The following SMG5 variants were observed in gnomAD, a reference collection of about 807,000 sequenced individuals.
The protein encoded by SMG5 is SMG5 nonsense mediated mRNA decay factor, also known as nonsense-mediated mRNA decay factor SMG5.
SMG5 carries 53 observed loss-of-function variants against 122.9 expected under a neutral mutation model. That is an observed-to-expected ratio of 0.43 (90% CI 0.35 to 0.54). The LOEUF (loss-of-function observed/expected upper bound fraction) is 0.54, where lower values mean the gene tolerates loss of function less well. SMG5 is among the 20% of genes least tolerant of loss of function. SMG5 has a pLI of 0.01. For synonymous variants in SMG5, 477 were observed against 490.2 expected, an observed-to-expected ratio of 0.97 and a Z score of 0.35; for missense variants, 1,153 against 1,285.6, an observed-to-expected ratio of 0.90 and a Z score of 1.58.
At chr1:156,278,801 A>T in intron 2 of SMG5, 135 bp downstream of exon 2, 1 of 704,174 alleles carries the variant, frequency 1.4e-6, no homozygotes. Context: ...TAGGAAGGCC[A>T]GAGATTTCAG....
upstream of SMG5, chr1:156,286,117 C>T: frequency 7.2e-7 from 1 of 1,395,920 alleles, no homozygotes; most frequent in Non-Finnish European, 9.8e-7. Flanking sequence ...TGCCAGTCTG[C>T]ATGCCCATCT....
At chr1:156,286,064 T>C, upstream of SMG5, 1 of 1,533,328 alleles carries the variant, frequency 6.5e-7, no homozygotes, top group South Asian at 1.3e-5. Flanking sequence ...AGCAGGAGGA[T>C]TTCCCTTCAC....
At chr1:156,266,892 C>T (rs1662178321) in intron 10 of SMG5, among the ~76,000 whole-genome samples, 1 of 151,980 alleles carries the variant, frequency 6.6e-6, no homozygotes, top group Non-Finnish European at 1.5e-5. Context: ...CTGCCCGCCT[C>T]GGCCTCCCAA....
rs1287930339 is a variant in SMG5, at chr1:156,268,196, G to A, written c.840-13C>T. On this transcript the variant is annotated splice_polypyrimidine_tract_variant and intron_variant, in intron 8 of 21. Coordinates refer to ENST00000361813, the MANE Select transcript of SMG5 (RefSeq NM_015327.3). The stretch of plus-strand genomic sequence containing the variant: ...AATGTCTTTACATCTGAAATGAGAA[G>A]AGCCCAAAGTAAATGCTGAATGGTC... 1 of 1,614,122 alleles carries A rather than the reference G, an allele frequency of 6.2e-7. No homozygotes were observed. The highest frequency in any genetic ancestry group is 2.2e-5 in the East Asian group (1 of 44,878).
At chr1:156,285,474 A>G, upstream of SMG5, 14 of 1,614,092 alleles carry the variant, frequency 8.7e-6, no homozygotes, top group Non-Finnish European at 1.1e-5. Flanking sequence ...ACTGGCCCTC[A>G]GCCCAGTGCT....
upstream of SMG5, among the ~76,000 whole-genome samples, chr1:156,287,591 C>A (rs1289466230): frequency 3.4e-5 from 5 of 149,188 alleles, no homozygotes. Flanking sequence ...CTCCTCGCAG[C>A]CTTCTTACTC....
intron 7 of SMG5, among the ~76,000 whole-genome samples, chr1:156,271,016 A>G (rs201964081): frequency 5.8e-4 from 88 of 152,244 alleles, no homozygotes; most frequent in African/African-American, 2.0e-3. Flanking sequence ...TCAAAAAAAA[A>G]AAAAGAAAAA....
At chr1:156,253,227 T>A in intron 17 of SMG5, 149 bp from the exon 18 acceptor site, 2 of 1,025,274 alleles carry the variant, frequency 2.0e-6, no homozygotes, top group Non-Finnish European at 2.8e-6. Flanking sequence ...GGGGGAAAAG[T>A]AAACAGAAAT....
In SMG5 at chr1:156,266,116, G is replaced by A. The variant is rs1247822437; in HGVS notation, c.1520C>T (p.Ala507Val). The A allele has an allele frequency of 1.9e-6, 3 of 1,614,078 alleles. No individual in the cohort carries two copies. Among genetic ancestry groups the A allele is most frequent in the Non-Finnish European group, 1.7e-6 (2 of 1,180,048 alleles). ...TTCCGAGTCTGTTTCAGCATCAAAG[G>A]CCGTTCCCCCACCTTCAAGACTCTT... ...SDKSLEGGGT[A>V]FDAETDSEMN... Residue 507 changes from alanine (A) to valine (V), a missense_variant, in exon 12 of 22, where the codon GCC becomes GTC. Ala to Val is a moderately conservative substitution (Grantham distance 64). Around this residue, in one of 5 missense-constraint regions of SMG5, gnomAD observed 631 missense variants for 650.6 expected, o/e 0.97. Coordinates refer to ENST00000361813, the MANE Select transcript of SMG5 (RefSeq NM_015327.3).
chr1:156,282,773 C>T lies in SMG5; in HGVS notation c.-93G>A. On this transcript the variant is annotated 5_prime_UTR_variant, in exon 1 of 22. Coordinates refer to ENST00000361813, the MANE Select transcript of SMG5 (RefSeq NM_015327.3). ...CGTCTCCGGCCGTAGCCGCAGCCGC[C>T]GCCGCCACCGGCCCTGCTCGGCCGC... The T allele has an allele frequency of 7.4e-7, 1 of 1,355,450 alleles. No individual in the cohort carries two copies. Among genetic ancestry groups the T allele is most frequent in the Non-Finnish European group, 9.9e-7 (1 of 1,008,760 alleles). The allele number at this position is 1,355,450 out of a possible 1,614,324, so 84.0% of individuals were successfully genotyped here.
intron 16 of SMG5, among the ~76,000 whole-genome samples, chr1:156,256,313 T>C (rs77855424): frequency 2.3e-5 from 1 of 42,744 alleles, no homozygotes; most frequent in African/African-American, 6.3e-5. Flanking sequence ...CTTCTCTCTT[T>C]TTTTTTTTTT....
intron 5 of SMG5, 81 bp downstream of exon 5, chr1:156,274,516 A>G: frequency 8.0e-7 from 1 of 1,254,504 alleles, no homozygotes; most frequent in South Asian, 1.2e-5. Context: ...CCAACCATGT[A>G]ATGGGTGTTA....
chr1:156,263,660 C>T (rs892392988), intron 12 of SMG5, 90 bp from the exon 13 acceptor site: 1 of 1,412,232 alleles, frequency 7.1e-7, no homozygotes, highest in African/African-American at 1.4e-5. Flanking sequence ...GAGCATGCTT[C>T]CACCTGGCCT....
At chr1:156,267,445 A>G (rs1572587140) in intron 10 of SMG5, 25 bp downstream of exon 10, 2 of 1,610,110 alleles carry the variant, frequency 1.2e-6, no homozygotes, top group Non-Finnish European at 8.5e-7. Context: ...AGTGGAAGAG[A>G]AAAGAGGAAC....
At chr1:156,288,419 T>A in the SMG5 span, among the ~76,000 whole-genome samples, 4 of 151,808 alleles carry the variant, frequency 2.6e-5, no homozygotes, top group Non-Finnish European at 4.4e-5. Context: ...CACTACAACT[T>A]CTGTCTCCAG....
rs780639508 is a variant in SMG5, at chr1:156,252,518, T to G, written c.2663-14A>C. 12 of 1,613,508 alleles carry G rather than the reference T, an allele frequency of 7.4e-6. No homozygotes were observed. In the South Asian group the frequency reaches 1.3e-4, roughly 18 times the overall value. ...GGCCATCGATCACTGGTGGGCAAGG[T>G]AGGGAAAGACAAAACAGATAAGCTC... On this transcript the variant is annotated splice_polypyrimidine_tract_variant and intron_variant, in intron 18 of 21. Coordinates refer to ENST00000361813, the MANE Select transcript of SMG5 (RefSeq NM_015327.3).
intron 16 of SMG5, among the ~76,000 whole-genome samples, chr1:156,254,522 C>A (rs1661490698): frequency 6.6e-6 from 1 of 152,144 alleles, no homozygotes; most frequent in Admixed American, 6.5e-5. Flanking sequence ...CTGTTCACTG[C>A]TACCTCTGCC....
chr1:156,263,574 G>A lies in SMG5; in HGVS notation c.1856-4C>T, dbSNP rs190523452. 2 of 1,610,870 alleles carry A rather than the reference G, an allele frequency of 1.2e-6. No individual in the cohort carries two copies. Among genetic ancestry groups the A allele is most frequent in the African/African-American group, 2.7e-5 (2 of 74,760 alleles). On this transcript the variant is annotated splice_polypyrimidine_tract_variant and splice_region_variant and intron_variant, in intron 12 of 21. Transcript: ENST00000361813. Reference sequence around the variant, plus strand: ...GACTCAGAGCCCTCCTCAGAGGCTGGGGGGTGGGTGAATGGAAGAGAAAAA... The same window carrying A: ...GACTCAGAGCCCTCCTCAGAGGCTGAGGGGTGGGTGAATGGAAGAGAAAAA...
chr1:156,275,131 T>TAAAA (rs760480249), intron 4 of SMG5, among the ~76,000 whole-genome samples: 5 of 86,882 alleles, frequency 5.8e-5, no homozygotes, highest in East Asian at 3.3e-4. Context: ...TGACGCCAAT[T>TAAAA]AAAAAAAAAA....
Sources: allele counts gnomAD v4.1 joint callset (sites outside exome capture counted in the v4.1 genomes callset), GRCh38; gene constraint gnomAD v4.1.1; regional missense constraint gnomAD v4.1.1; transcripts MANE v1.5; gene names NCBI Gene and HGNC (gene_info 2026-07-23, HGNC 2026-07-21).